SLC9C2: variants seen among roughly 807,000 people sequenced by gnomAD.
SLC9C2 encodes the protein sodium/hydrogen exchanger 11.
SLC9C2 carries 75 observed loss-of-function variants against 140.2 expected under a neutral mutation model. That is an observed-to-expected ratio of 0.53 (90% CI 0.44 to 0.65). The LOEUF is 0.65. Ranked by LOEUF, SLC9C2 falls within the 30% of genes least tolerant of loss-of-function variation. The pLI is 0.00. For missense variants in SLC9C2, 1,074 were observed against 1,331.8 expected (o/e 0.81, Z 3.01); for synonymous variants, 375 against 420.9 (o/e 0.89, Z 1.34).
intron 13 of SLC9C2, among the ~76,000 whole-genome samples, chr1:173,539,495 T>G (rs1207655806): frequency 6.6e-6 from 1 of 152,190 alleles, no homozygotes; most frequent in East Asian, 1.9e-4. Flanking sequence ...ACAGTAGGCT[T>G]GGGATGAGTT....
At chr1:173,601,410 GAAGTT>G (rs1423491630) in intron 2 of SLC9C2, among the ~76,000 whole-genome samples, 3 of 152,302 alleles carry the variant, frequency 2.0e-5, no homozygotes, top group East Asian at 3.9e-4. Flanking sequence ...AGGGCTTCTT[GAAGTT>G]AAGTTATTCT....
intron 9 of SLC9C2, among the ~76,000 whole-genome samples, chr1:173,569,112 C>T (rs1460596057): frequency 3.9e-5 from 6 of 152,034 alleles, no homozygotes; most frequent in African/African-American, 2.4e-5. Flanking sequence ...TCCTTCAGCA[C>T]TTTAAATATG....
At chr1:173,529,878 C>T in intron 18 of SLC9C2, 27 bp downstream of exon 18, 1 of 1,587,322 alleles carries the variant, frequency 6.3e-7, no homozygotes, top group Non-Finnish European at 8.5e-7. Context: ...GGTTTTTCTC[C>T]CCAAATGACC....
At chr1:173,545,728 G>A (rs529654076) in intron 13 of SLC9C2, among the ~76,000 whole-genome samples, 2 of 152,292 alleles carry the variant, frequency 1.3e-5, no homozygotes, top group East Asian at 1.9e-4. Context: ...ACATGTCGGA[G>A]GGGTAGAAAT....
chr1:173,509,656 G>T lies in SLC9C2; in HGVS notation c.2951C>A (p.Ala984Asp). The T allele has an allele frequency of 2.5e-6, 4 of 1,596,762 alleles. No homozygotes were observed. Among genetic ancestry groups the T allele is most frequent in the South Asian group, 2.3e-5 (2 of 86,718 alleles). ...SLEDLYEGFD[A>D]FWPSLEYKIW... The stretch of plus-strand genomic sequence containing the variant: ...TTTATATTCCAGAGATGGCCAGAAG[G>T]CATCAAAGCCTTCATATAAATCCTC... Residue 984 changes from alanine (A) to aspartate (D), a missense_variant, in exon 24 of 28, where the codon GCC (alanine) becomes GAC (aspartate). Ala to Asp is a moderately radical substitution (Grantham distance 126). Transcript: ENST00000367714.
chr1:173,573,296 T>C lies in SLC9C2; in HGVS notation c.932A>G (p.Glu311Gly). The C allele has an allele frequency of 6.5e-7, 1 of 1,546,790 alleles. No individual in the cohort carries two copies. The highest frequency in any genetic ancestry group is 8.8e-7 in the Non-Finnish European group (1 of 1,134,690). The change falls in exon 9 of 28, where the codon GAA becomes GGA. Residue 311 changes from glutamate (E) to glycine (G), a missense_variant. Physicochemically the swap from Glu to Gly is moderately conservative, Grantham distance 98. Coordinates refer to ENST00000367714, the MANE Select transcript of SLC9C2 (RefSeq NM_178527.4). ...KFLRIFSSVY[E>G]HLIYAFFGIV... ...GCCAAAGAAAGCATATATTAAATGT[T>C]CATATACAGATGAAAAAATTCTTAA...
intron 4 of SLC9C2, among the ~76,000 whole-genome samples, 196 bp downstream of exon 4, chr1:173,597,708 A>C (rs1411959923): frequency 1.3e-5 from 2 of 152,176 alleles, no homozygotes; most frequent in Non-Finnish European, 2.9e-5. Flanking sequence ...GCCTAGTCAC[A>C]ATGGTCACTC....
chr1:173,517,723 T>C lies in SLC9C2; in HGVS notation c.2740-19A>G. On this transcript the variant is annotated intron_variant, in intron 22 of 27. Transcript: ENST00000367714. ...TATGCAACTGCAAAGGGAAAAAAAG[T>C]GTGCAAAGGGAAAGAAAAAATGAAA... 1 of 1,586,380 alleles carries C rather than the reference T, an allele frequency of 6.3e-7. No homozygotes were observed. The highest frequency in any genetic ancestry group is 8.5e-7 in the Non-Finnish European group (1 of 1,171,630).
intron 18 of SLC9C2, among the ~76,000 whole-genome samples, chr1:173,528,320 C>A (rs1355775160): frequency 6.6e-6 from 1 of 152,140 alleles, no homozygotes; most frequent in African/African-American, 2.4e-5. Flanking sequence ...TCACCTGTGA[C>A]ACGTCAAGGC....
chr1:173,579,365 A>G (rs1406676170), intron 7 of SLC9C2, among the ~76,000 whole-genome samples: 12 of 152,162 alleles, frequency 7.9e-5, no homozygotes, highest in Non-Finnish European at 1.5e-5. Context: ...GCCACAGTAG[A>G]TGTATTTATC....
At chr1:173,594,136 T>C (rs1666321057) in intron 4 of SLC9C2, among the ~76,000 whole-genome samples, 1 of 152,168 alleles carries the variant, frequency 6.6e-6, no homozygotes, top group African/African-American at 2.4e-5. Flanking sequence ...AACAGATACA[T>C]TTTCAGAGAA....
At chr1:173,577,336 C>G (rs1028495408) in intron 7 of SLC9C2, among the ~76,000 whole-genome samples, 1 of 152,192 alleles carries the variant, frequency 6.6e-6, no homozygotes, top group Non-Finnish European at 1.5e-5. Flanking sequence ...CTTCTGATGA[C>G]TCCAGTTCCT....
intron 4 of SLC9C2, among the ~76,000 whole-genome samples, chr1:173,591,356 C>T (rs755208733): frequency 3.9e-5 from 6 of 152,014 alleles, no homozygotes; most frequent in Non-Finnish European, 7.4e-5. Context: ...TGTATCTTCA[C>T]GGCAGAATGA....
rs1002947612 is a variant in SLC9C2, at chr1:173,570,451, C to A, written c.1046+2731G>T. On this transcript the variant is annotated intron_variant, in intron 9 of 27. Transcript: ENST00000367714. ...GCAGGACAAAGTTCTCTTCACTCTC[C>A]TCTCCTCAAGCAGAAGGAAGAAGTC... Among the ~76,000 whole-genome samples the A allele has an allele frequency of 1.2e-4, 19 of 152,022 alleles. 1 individual carries two copies. Among genetic ancestry groups the A allele is most frequent in the Admixed American group, 1.2e-3 (19 of 15,256 alleles).
intron 26 of SLC9C2, among the ~76,000 whole-genome samples, chr1:173,504,252 G>A (rs1659474974): frequency 6.6e-6 from 1 of 152,154 alleles, no homozygotes; most frequent in African/African-American, 2.4e-5. Flanking sequence ...AACCTCTGAG[G>A]TTCAAATTGC....
At position 173,554,817 on chromosome 1, in the gene SLC9C2, A is replaced by G; in HGVS notation, c.1216-3T>C. 6.5e-7 allele frequency: 1 copy of G among 1,540,848 alleles called. No homozygotes were observed. Among genetic ancestry groups the G allele is most frequent in the South Asian group, 1.1e-5 (1 of 87,382 alleles). On this transcript the variant is annotated splice_region_variant and splice_polypyrimidine_tract_variant and intron_variant, in intron 10 of 27. Coordinates refer to ENST00000367714, the MANE Select transcript of SLC9C2 (RefSeq NM_178527.4). Reference sequence around the variant, plus strand: ...ATTACTTGTACATAGAGTATAAACTAAAAACAAAGCACATAAATAGTTAGA... The same window carrying G: ...ATTACTTGTACATAGAGTATAAACTGAAAACAAAGCACATAAATAGTTAGA...
intron 4 of SLC9C2, among the ~76,000 whole-genome samples, chr1:173,589,041 G>A (rs766893926): frequency 6.6e-6 from 1 of 152,140 alleles, no homozygotes; most frequent in Non-Finnish European, 1.5e-5. Context: ...TATTACCACT[G>A]CACTCCAACC....
intron 9 of SLC9C2, among the ~76,000 whole-genome samples, chr1:173,560,884 T>C (rs1380539385): frequency 6.6e-6 from 1 of 151,956 alleles, no homozygotes; most frequent in Non-Finnish European, 1.5e-5. Context: ...GCAACCTCTG[T>C]CTCCCAGGTT....
chr1:173,560,953 C>T (rs1025869873), intron 9 of SLC9C2, among the ~76,000 whole-genome samples: 3 of 151,992 alleles, frequency 2.0e-5, no homozygotes, highest in Admixed American at 6.6e-5. Flanking sequence ...TGTGCAACCA[C>T]GCCCAGCTAA....
Sources: allele counts gnomAD v4.1 joint callset (sites outside exome capture counted in the v4.1 genomes callset), GRCh38; gene constraint gnomAD v4.1.1; transcripts MANE v1.5; gene names NCBI Gene and HGNC (gene_info 2026-07-23, HGNC 2026-07-21).